Variants in COX8A observed in about 807,000 individuals in gnomAD.
COX8A encodes the protein cytochrome c oxidase subunit 8A, mitochondrial.
A neutral mutation model predicts 4.4 loss-of-function variants in COX8A; 6 were observed. The observed-to-expected ratio is 1.36, with a 90% CI of 0.74 to 2.68. The LOEUF (loss-of-function observed/expected upper bound fraction) is 2.68. Ranked by LOEUF, COX8A falls within the 30% of genes most tolerant of loss-of-function variation. The pLI, the probability that COX8A is intolerant of heterozygous loss-of-function variation, is 0.00. For missense variants in COX8A, 72 were observed against 89.6 expected (o/e 0.80, Z 0.79); for synonymous variants, 53 against 47.1 (o/e 1.12, Z -0.51).
intron 1 of COX8A, 102 bp from the exon 2 acceptor site, chr11:63,976,123 G>T: frequency 9.0e-7 from 1 of 1,105,526 alleles, no homozygotes; most frequent in Non-Finnish European, 1.4e-6. Context: ...TCTGAGTCCT[G>T]GCTCCCTGAG....
In COX8A at chr11:63,976,286, TGTCACA is replaced by T; in HGVS notation, c.177_182del (p.Ser60_His61del). The T allele has an allele frequency of 6.2e-7, 1 of 1,614,204 alleles. No individual in the cohort carries two copies. Among genetic ancestry groups the T allele is most frequent in the Non-Finnish European group, 8.5e-7 (1 of 1,180,022 alleles). On this transcript the variant is annotated inframe_deletion, in exon 2 of 2. Transcript: ENST00000314133. Reference sequence around the variant, plus strand: ...TTCCTCCTGCCAGCGGGCTGGATCCTGTCACACCTGGAGACCTACAGGAGGCCAGAG... The same window carrying T: ...TTCCTCCTGCCAGCGGGCTGGATCCTCCTGGAGACCTACAGGAGGCCAGAG...
Position 63,976,328 on chromosome 11 carries a change from C to G in COX8A, c.*8C>G. The G allele has an allele frequency of 6.2e-7, 1 of 1,613,256 alleles. No homozygotes were observed. Among genetic ancestry groups the G allele is most frequent in the South Asian group, 1.1e-5 (1 of 91,056 alleles). ...TACAGGAGGCCAGAGTGAAGGGGTC[C>G]GTTCTGTCCCTCACACTGTGACCTG... On this transcript the variant is annotated 3_prime_UTR_variant, in exon 2 of 2. Transcript: ENST00000314133.
chr11:63,976,074 G>T (rs976797319), intron 1 of COX8A, 151 bp from the exon 2 acceptor site: 7 of 731,288 alleles, frequency 9.6e-6, no homozygotes, highest in South Asian at 7.8e-5. Flanking sequence ...GTGGAGCGTG[G>T]ATTCCTTTAA....
chr11:63,976,079 CT>C, intron 1 of COX8A, 145 bp from the exon 2 acceptor site: 1 of 751,326 alleles, frequency 1.3e-6, no homozygotes, highest in Non-Finnish European at 2.4e-6. Context: ...GCGTGGATTC[CT>C]TTAACGTGAG....
chr11:63,976,079 C>T (rs1025646786), intron 1 of COX8A, 146 bp from the exon 2 acceptor site: 3 of 751,208 alleles, frequency 4.0e-6, no homozygotes, highest in African/African-American at 3.4e-5. Context: ...GCGTGGATTC[C>T]TTTAACGTGA....
intron 1 of COX8A, 112 bp downstream of exon 1, chr11:63,974,906 A>G (rs1942525695): frequency 2.9e-6 from 3 of 1,020,732 alleles, no homozygotes; most frequent in Non-Finnish European, 4.2e-6. Flanking sequence ...AGCGGGGAGC[A>G]GCAGTGCCGG....
At position 63,976,482 on chromosome 11, in the gene COX8A, G is replaced by T; in HGVS notation, c.*162G>T. On this transcript the variant is annotated 3_prime_UTR_variant, in exon 2 of 2. Transcript: ENST00000314133. Reference sequence around the variant, plus strand: ...TTGATGTCTCCATGGTGACCTCCTTGGGGGTCACTGACCCTGCTTGGTGGG... The same window carrying T: ...TTGATGTCTCCATGGTGACCTCCTTTGGGGTCACTGACCCTGCTTGGTGGG... 1.6e-6 allele frequency: 1 copy of T among 640,970 alleles called. No homozygotes were observed. The highest frequency in any genetic ancestry group is 2.7e-6 in the Non-Finnish European group (1 of 365,288). 39.7% of individuals were successfully genotyped at this position (640,970 alleles called of 1,614,324 possible). A position where few individuals can be genotyped will look rare whatever the true frequency, so the allele number is the denominator to read the frequency against.
In COX8A at chr11:63,976,418, T is replaced by C; in HGVS notation, c.*98T>C. 2.8e-6 allele frequency: 3 copies of C among 1,083,358 alleles called. No individual in the cohort carries two copies. The highest frequency in any genetic ancestry group is 4.2e-6 in the Non-Finnish European group (3 of 711,472). 67.1% of individuals were successfully genotyped at this position (1,083,358 alleles called of 1,614,324 possible). On this transcript the variant is annotated 3_prime_UTR_variant, in exon 2 of 2. Coordinates refer to ENST00000314133, the MANE Select transcript of COX8A (RefSeq NM_004074.3). ...TGTGGCCGGCCTCCCCTGGATCATG[T>C]CATTCAATTCCAGTCACCTCTTCTG...
In COX8A at chr11:63,976,398, C is replaced by A; in HGVS notation, c.*78C>A. The A allele has an allele frequency of 1.5e-6, 2 of 1,310,050 alleles. No individual in the cohort carries two copies. Among genetic ancestry groups the A allele is most frequent in the Non-Finnish European group, 2.2e-6 (2 of 907,318 alleles). The allele number at this position is 1,310,050 out of a possible 1,614,324, so 81.2% of individuals were successfully genotyped here. The stretch of plus-strand genomic sequence containing the variant: ...CCTGGTCATGTTACTGCATTTGTGG[C>A]CGGCCTCCCCTGGATCATGTCATTC... On this transcript the variant is annotated 3_prime_UTR_variant, in exon 2 of 2. Coordinates refer to ENST00000314133, the MANE Select transcript of COX8A (RefSeq NM_004074.3).
chr11:63,974,729 C>T lies in COX8A; in HGVS notation c.49C>T (p.Arg17Trp), dbSNP rs759915558. The change falls in exon 1 of 2, where the codon CGG (arginine) becomes TGG (tryptophan). Residue 17 changes from arginine to tryptophan, a missense_variant. Physicochemically the swap from Arg to Trp is moderately radical, Grantham distance 101. Coordinates refer to ENST00000314133, the MANE Select transcript of COX8A (RefSeq NM_004074.3). Reference protein sequence around the residue: ...LLLRGLTGSARRLPVPRAKIH... With the variant: ...LLLRGLTGSAWRLPVPRAKIH... ...GCTGCGGGGCTTGACAGGCTCGGCC[C>T]GGCGGCTCCCAGTGCCGCGCGCCAA... 6.2e-7 allele frequency: 1 copy of T among 1,608,250 alleles called. No individual in the cohort carries two copies. Among genetic ancestry groups the T allele is most frequent in the Non-Finnish European group, 8.5e-7 (1 of 1,177,744 alleles).
rs1408422893 is a variant in COX8A at position 63,976,244 on chromosome 11, C to T, written c.134C>T (p.Thr45Ile). 41 of 1,614,076 alleles carry T rather than the reference C, an allele frequency of 2.5e-5. No individual in the cohort carries two copies. The highest frequency in any genetic ancestry group is 3.3e-5 in the Non-Finnish European group (39 of 1,180,038). The change falls in exon 2 of 2, where the codon ACC becomes ATC. Residue 45 changes from threonine (T) to isoleucine (I), a missense_variant. Physicochemically the swap from Thr to Ile is moderately conservative, Grantham distance 89. Transcript: ENST00000314133. Reference protein sequence around the residue: ...LGIMELAVGLTSCFVTFLLPA... With the variant: ...LGIMELAVGLISCFVTFLLPA... ...GTGTAGGAATTGGCCGTTGGGCTTA[C>T]CTCCTGCTTCGTGACCTTCCTCCTG...
chr11:63,975,452 C>T (rs1942531920), intron 1 of COX8A, among the ~76,000 whole-genome samples: 1 of 152,138 alleles, frequency 6.6e-6, no homozygotes, highest in South Asian at 2.1e-4. Context: ...GCTGGGATTA[C>T]AGGCGTGAGC....
chr11:63,974,953 G>A (rs2134296247), intron 1 of COX8A, among the ~76,000 whole-genome samples, 159 bp downstream of exon 1: 1 of 152,302 alleles, frequency 6.6e-6, no homozygotes, highest in South Asian at 2.1e-4. Context: ...GACGGGGACA[G>A]TGCCCGGGCG....
intron 1 of COX8A, 77 bp downstream of exon 1, chr11:63,974,871 G>T: frequency 7.8e-7 from 1 of 1,290,068 alleles, no homozygotes; most frequent in South Asian, 1.5e-5. Flanking sequence ...AGGTGGTCCT[G>T]AGAATGCCTC....
At position 63,976,514 on chromosome 11, in the gene COX8A, C is replaced by T; in HGVS notation, c.*194C>T. 3.4e-6 allele frequency: 2 copies of T among 589,770 alleles called. No individual in the cohort carries two copies. The highest frequency in any genetic ancestry group is 2.0e-5 in the South Asian group (1 of 49,774). 36.5% of individuals were successfully genotyped at this position (589,770 alleles called of 1,614,324 possible). On this transcript the variant is annotated 3_prime_UTR_variant, in exon 2 of 2. Coordinates refer to ENST00000314133, the MANE Select transcript of COX8A (RefSeq NM_004074.3). The stretch of plus-strand genomic sequence containing the variant: ...ACTGACCCTGCTTGGTGGGGTCCCC[C>T]TTGTAACAATAAAATCTATTTAAAC...
At position 63,976,395 on chromosome 11, in the gene COX8A, T is replaced by G. The variant is rs1007117852; in HGVS notation, c.*75T>G. On this transcript the variant is annotated 3_prime_UTR_variant, in exon 2 of 2. Coordinates refer to ENST00000314133, the MANE Select transcript of COX8A (RefSeq NM_004074.3). ...CATCCTGGTCATGTTACTGCATTTG[T>G]GGCCGGCCTCCCCTGGATCATGTCA... 2 of 1,353,752 alleles carry G rather than the reference T, an allele frequency of 1.5e-6. No individual in the cohort carries two copies. The highest frequency in any genetic ancestry group is 2.9e-5 in the African/African-American group (2 of 69,620). The allele number at this position is 1,353,752 out of a possible 1,614,324, so 83.9% of individuals were successfully genotyped here.
chr11:63,976,481 T>TG lies in COX8A; in HGVS notation c.*166dup, dbSNP rs1257203525. On this transcript the variant is annotated 3_prime_UTR_variant, in exon 2 of 2. Transcript: ENST00000314133. ...CTTGATGTCTCCATGGTGACCTCCT[T>TG]GGGGGTCACTGACCCTGCTTGGTGG... 3.1e-6 allele frequency: 2 copies of TG among 639,792 alleles called. No individual in the cohort carries two copies. The highest frequency in any genetic ancestry group is 5.5e-6 in the Non-Finnish European group (2 of 363,886). 39.6% of individuals were successfully genotyped at this position (639,792 alleles called of 1,614,324 possible).
intron 1 of COX8A, among the ~76,000 whole-genome samples, chr11:63,975,491 C>T (rs929858350): frequency 6.6e-6 from 1 of 151,354 alleles, no homozygotes; most frequent in Non-Finnish European, 1.5e-5. Flanking sequence ...AGGGGGTTTT[C>T]AGGCAAGGAA....
chr11:63,975,410 C>T (rs1245683758), intron 1 of COX8A, among the ~76,000 whole-genome samples: 1 of 151,890 alleles, frequency 6.6e-6, no homozygotes, highest in African/African-American at 2.4e-5. Flanking sequence ...ATCTCTTGAC[C>T]TCGTGATCCG....
Sources: allele counts gnomAD v4.1 joint callset (sites outside exome capture counted in the v4.1 genomes callset), GRCh38; gene constraint gnomAD v4.1.1; transcripts MANE v1.5; gene names NCBI Gene and HGNC (gene_info 2026-07-23, HGNC 2026-07-21).